Variants in SYK observed in about 807,000 individuals in gnomAD.
SYK encodes the protein spleen associated tyrosine kinase, also known as tyrosine-protein kinase SYK.
SYK carries 16 observed loss-of-function variants against 77.8 expected under a neutral mutation model. That is an observed-to-expected ratio of 0.21 (90% CI 0.14 to 0.31). SYK has a LOEUF of 0.31. SYK is among the 10% of genes least tolerant of loss of function. The pLI is 1.00. For synonymous variants in SYK, 312 were observed against 308.7 expected (o/e 1.01, Z -0.11); for missense variants, 529 against 814.4 (o/e 0.65, Z 4.26).
chr9:90,808,957 G>T (rs1824962990), intron 1 of SYK, among the ~76,000 whole-genome samples: 1 of 152,196 alleles, frequency 6.6e-6, no homozygotes, highest in South Asian at 2.1e-4. Context: ...AGCGTGCTAT[G>T]ACTTCATTTT....
intron 1 of SYK, among the ~76,000 whole-genome samples, chr9:90,813,967 G>A (rs954265396): frequency 1.3e-5 from 2 of 152,168 alleles, no homozygotes. Flanking sequence ...AAAAGACTTT[G>A]TTGCATGACT....
chr9:90,862,145 C>G lies in SYK; in HGVS notation c.579-61C>G, dbSNP rs1321529964. The G allele has an allele frequency of 4.6e-6, 7 of 1,533,420 alleles. No individual in the cohort carries two copies. The Admixed American group carries it at 1.3e-4, about 30-fold the overall frequency. The allele number at this position is 1,533,420 out of a possible 1,614,324, so 95.0% of individuals were successfully genotyped here. A position where few individuals can be genotyped will look rare whatever the true frequency, so the allele number is the denominator to read the frequency against. On this transcript the variant is annotated intron_variant, in intron 3 of 13. Transcript: ENST00000375754. ...ACCATTCAGGCCAGGGTGCTTCCTC[C>G]CAGGGTCCCACCTGGAGACTGGCGG...
At chr9:90,890,313 T>C (rs569994255) in intron 13 of SYK, among the ~76,000 whole-genome samples, 1 of 152,244 alleles carries the variant, frequency 6.6e-6, no homozygotes, top group Admixed American at 6.5e-5. Flanking sequence ...CCGACCTCTG[T>C]CCTCCATGGA....
chr9:90,894,446 A>T (rs1471794546), intron 13 of SYK, among the ~76,000 whole-genome samples: 1 of 152,180 alleles, frequency 6.6e-6, no homozygotes, highest in African/African-American at 2.4e-5. Flanking sequence ...AAGAGAAACC[A>T]TGTATTTTGA....
At chr9:90,887,551 A>T (rs1043061370) in intron 11 of SYK, among the ~76,000 whole-genome samples, 198 bp from the exon 12 acceptor site, 1 of 151,374 alleles carries the variant, frequency 6.6e-6, no homozygotes, top group East Asian at 1.9e-4. Flanking sequence ...AATTACAGGC[A>T]CCCGCCACCA....
chr9:90,882,756 A>C (rs1564118616), intron 11 of SYK, among the ~76,000 whole-genome samples: 1 of 152,208 alleles, frequency 6.6e-6, no homozygotes, highest in African/African-American at 2.4e-5. Flanking sequence ...CTAAGAGAGA[A>C]CACAGATGCA....
rs1828947293 is a variant in SYK, at chr9:90,895,456, A to C, written c.1836-72A>C. 2 of 1,524,328 alleles carry C rather than the reference A, an allele frequency of 1.3e-6. No homozygotes were observed. Among genetic ancestry groups the C allele is most frequent in the South Asian group, 1.1e-5 (1 of 88,802 alleles). 94.4% of individuals were successfully genotyped at this position (1,524,328 alleles called of 1,614,324 possible). ...GCAGCACCACTGGTACTCAGCCTGC[A>C]GAGGCCCTGCTTGTGATCAGCAATT... On this transcript the variant is annotated intron_variant, in intron 13 of 13. Transcript: ENST00000375754. This position sits in a 1 kb window ranked among gnomAD's most constrained non-coding sequence, Gnocchi z 4.4.
At chr9:90,859,805 C>T (rs1346405925) in intron 3 of SYK, among the ~76,000 whole-genome samples, 2 of 152,184 alleles carry the variant, frequency 1.3e-5, no homozygotes, top group African/African-American at 4.8e-5. Flanking sequence ...AATGGTACTT[C>T]CCTGGGGTCT....
At chr9:90,842,203 GGTGT>G (rs1451286952) in intron 1 of SYK, among the ~76,000 whole-genome samples, 1 of 150,482 alleles carries the variant, frequency 6.6e-6, no homozygotes, top group African/African-American at 2.4e-5. Context: ...TTGTGTGTGT[GGTGT>G]GTGTGTGATG....
chr9:90,844,439 T>A, intron 2 of SYK, 124 bp downstream of exon 2: 1 of 1,185,124 alleles, frequency 8.4e-7, no homozygotes, highest in Non-Finnish European at 1.1e-6. Flanking sequence ...ACCATCTCCT[T>A]AAGCATCAAT....
Position 90,884,143 on chromosome 9 carries a change from ATG to A in SYK, c.1582-3596_1582-3595del, listed in dbSNP as rs766699208. On this transcript the variant is annotated intron_variant, in intron 11 of 13. Transcript: ENST00000375754. ...AACCCAAAGTGCCCTACATATATATATGTGTGTGTGTATATATACACACATAC... is the reference window on the plus strand; with the variant it reads ...AACCCAAAGTGCCCTACATATATATATGTGTGTGTATATATACACACATAC... Among the ~76,000 whole-genome samples the A allele has an allele frequency of 5.6e-4, 63 of 111,968 alleles. 2 individuals carry two copies. The highest frequency in any genetic ancestry group is 5.3e-3 in the Middle Eastern group (1 of 190). The allele number at this position is 111,968 out of a possible 152,430, so 73.5% of individuals were successfully genotyped here. A position where few individuals can be genotyped will look rare whatever the true frequency, so the allele number is the denominator to read the frequency against.
chr9:90,837,737 G>A (rs1390320516), intron 1 of SYK, among the ~76,000 whole-genome samples: 2 of 152,142 alleles, frequency 1.3e-5, no homozygotes, highest in Admixed American at 6.5e-5. Context: ...TGGCTTCCAC[G>A]AGGGCAGCCT....
chr9:90,844,237 G>C lies in SYK; in HGVS notation c.339G>C (p.Val113=), dbSNP rs1265903215. 6.2e-7 allele frequency: 1 copy of C among 1,614,206 alleles called. No individual in the cohort carries two copies. The highest frequency in any genetic ancestry group is 1.7e-5 in the Admixed American group (1 of 60,028). Residue 113 remains valine, a synonymous_variant, in exon 2 of 14, where the codon GTG becomes GTC. Coordinates refer to ENST00000375754, the MANE Select transcript of SYK (RefSeq NM_003177.7). ...AGCCCTTCAACCGGCCCCAAGGGGTGCAGCCCAAGACTGGGCCCTTTGAGG... is the reference window on the plus strand; with the variant it reads ...AGCCCTTCAACCGGCCCCAAGGGGTCCAGCCCAAGACTGGGCCCTTTGAGG... ...LKKPFNRPQG[V]QPKTGPFEDL... is the part of the protein sequence containing the mutation.
At chr9:90,827,656 G>A (rs1263184979) in intron 1 of SYK, 2 of 152,186 alleles carry the variant, frequency 1.3e-5, no homozygotes, top group Non-Finnish European at 2.9e-5. Context: ...GTGTCTGTAG[G>A]AGGGATACTT....
rs533792835 is a variant in SYK at position 90,813,448 on chromosome 9, A to G, written c.-42+11555A>G. 5.7e-3 allele frequency among the ~76,000 whole-genome samples: 865 copies of G among 152,318 alleles called. 10 individuals carry two copies. The highest frequency in any genetic ancestry group is 0.02 in the African/African-American group (815 of 41,558). ...GACCTGTAAACATCCAGTTCCAAGA[A>G]GTGGCTCTAAAGCCCTCTCTGGGGG... On this transcript the variant is annotated intron_variant, in intron 1 of 13. Transcript: ENST00000375754.
intron 3 of SYK, 95 bp downstream of exon 3, chr9:90,845,689 C>T: frequency 6.9e-7 from 1 of 1,448,512 alleles, no homozygotes; most frequent in Non-Finnish European, 9.4e-7. Context: ...CCACATGACC[C>T]TGGGAAGAGG....
At chr9:90,815,390 C>CCTCA (rs1237058213) in intron 1 of SYK, among the ~76,000 whole-genome samples, 1 of 152,228 alleles carries the variant, frequency 6.6e-6, no homozygotes, top group Non-Finnish European at 1.5e-5. Context: ...TCCAACCTTG[C>CCTCA]CTCACTCCAG....
intron 1 of SYK, among the ~76,000 whole-genome samples, chr9:90,817,845 T>TGTGTG (rs1825344010): frequency 2.2e-5 from 3 of 137,548 alleles, no homozygotes; most frequent in African/African-American, 8.4e-5. Context: ...CTCAATAATG[T>TGTGTG]TGTGTGTGTG....
chr9:90,875,240 A>AAATAAAT lies in SYK; in HGVS notation c.1181+393_1181+394insTAAATAA, dbSNP rs1564113162. ...ATAGCAAGACCCTGTCTCTACAAAAAAAATAAATAAATAAATAAATAAATA... is the reference window on the plus strand; with the variant it reads ...ATAGCAAGACCCTGTCTCTACAAAAAAATAAATAAATAAATAAATAAATAAATAAATA... On this transcript the variant is annotated intron_variant, in intron 9 of 13. Coordinates refer to ENST00000375754, the MANE Select transcript of SYK (RefSeq NM_003177.7). Among the ~76,000 whole-genome samples the AAATAAAT allele has an allele frequency of 7.3e-3, 1,102 of 151,076 alleles. 12 individuals are homozygous for AAATAAAT. Among genetic ancestry groups the AAATAAAT allele is most frequent in the African/African-American group, 0.026 (1,049 of 41,120 alleles).
Sources: allele counts gnomAD v4.1 joint callset (sites outside exome capture counted in the v4.1 genomes callset), GRCh38; gene constraint gnomAD v4.1.1; non-coding constraint Gnocchi (gnomAD v3.1); transcripts MANE v1.5; gene names NCBI Gene and HGNC (gene_info 2026-07-23, HGNC 2026-07-21).